The following ROBO2 variants were observed in gnomAD, a reference collection of about 807,000 sequenced individuals.
ROBO2 encodes the protein roundabout homolog 2.
Under a neutral mutation model 160.8 loss-of-function variants are expected in ROBO2, and 53 were observed. The ratio of observed to expected loss-of-function variants is 0.33; its 90% CI spans 0.26 to 0.41. ROBO2 has a LOEUF of 0.41. ROBO2 is among the 10% of genes least tolerant of loss of function. ROBO2 has a pLI of 1.00. For synonymous variants in ROBO2, 664 were observed against 611.7 expected (o/e 1.09, Z -1.26); for missense variants, 1,577 against 1,722.4 (o/e 0.92, Z 1.49).
chr3:76,030,266 G>C (rs2066875635), intron 2 of ROBO2, among the ~76,000 whole-genome samples: 1 of 148,438 alleles, frequency 6.7e-6, no homozygotes, highest in African/African-American at 2.5e-5. Flanking sequence ...CTGGAAATTA[G>C]CCCTTTGTCA....
intron 2 of ROBO2, among the ~76,000 whole-genome samples, chr3:77,299,720 A>G (rs2062478190): frequency 1.3e-5 from 2 of 152,162 alleles, no homozygotes; most frequent in South Asian, 4.1e-4. Context: ...ACACATCAGG[A>G]GACTTCTTAG....
intron 2 of ROBO2, among the ~76,000 whole-genome samples, chr3:76,853,552 A>G (rs1037028185): frequency 6.6e-6 from 1 of 152,128 alleles, no homozygotes; most frequent in Non-Finnish European, 1.5e-5. Context: ...GCAAATTTGT[A>G]GGTGTTTTCA....
At chr3:76,471,901 C>T (rs1340982401) in intron 2 of ROBO2, among the ~76,000 whole-genome samples, 1 of 152,096 alleles carries the variant, frequency 6.6e-6, no homozygotes, top group Non-Finnish European at 1.5e-5. Flanking sequence ...AGAACTCATT[C>T]ACTACCATGA....
At chr3:75,913,974 T>C (rs1034896903) in intron 1 of ROBO2, among the ~76,000 whole-genome samples, 1 of 152,208 alleles carries the variant, frequency 6.6e-6, no homozygotes, top group Non-Finnish European at 1.5e-5. Flanking sequence ...GAAATCTTTC[T>C]GTAACCTAGA....
chr3:76,030,489 T>C (rs2066885978), intron 2 of ROBO2, among the ~76,000 whole-genome samples: 2 of 152,226 alleles, frequency 1.3e-5, no homozygotes, highest in South Asian at 2.1e-4. Flanking sequence ...CTATGGTTTT[T>C]ATGGTTTTAG....
chr3:77,490,520 T>A (rs966378760), intron 4 of ROBO2, among the ~76,000 whole-genome samples: 6 of 152,204 alleles, frequency 3.9e-5, no homozygotes, highest in Admixed American at 3.9e-4. Context: ...ACAGATTTGA[T>A]CATATTTATC....
At chr3:77,525,454 C>A (rs1380272231) in intron 6 of ROBO2, among the ~76,000 whole-genome samples, 1 of 149,346 alleles carries the variant, frequency 6.7e-6, no homozygotes, top group Non-Finnish European at 1.5e-5. Flanking sequence ...TGAGGCTGAA[C>A]ATCAAGAAGC....
At chr3:76,426,828 C>T (rs1459138568) in intron 2 of ROBO2, among the ~76,000 whole-genome samples, 3 of 152,034 alleles carry the variant, frequency 2.0e-5, no homozygotes, top group Non-Finnish European at 4.4e-5. Context: ...TTGCAGAATA[C>T]TGATTTTATA....
At chr3:76,817,473 A>C (rs925725927) in intron 2 of ROBO2, among the ~76,000 whole-genome samples, 1 of 152,086 alleles carries the variant, frequency 6.6e-6, no homozygotes, top group African/African-American at 2.4e-5. Context: ...ATAATGAAAC[A>C]TGGTCCAATA....
chr3:76,459,943 C>A (rs945676706), intron 2 of ROBO2, among the ~76,000 whole-genome samples: 14 of 151,942 alleles, frequency 9.2e-5, no homozygotes, highest in African/African-American at 3.4e-4. Flanking sequence ...ACCAAGAGAG[C>A]GTGTCAAGCC....
chr3:76,000,712 G>A (rs1217757405), intron 2 of ROBO2, among the ~76,000 whole-genome samples: 5 of 151,566 alleles, frequency 3.3e-5, no homozygotes, highest in East Asian at 1.9e-4. Flanking sequence ...GGATGGTGTC[G>A]ATCTCCTGAC....
Position 76,858,075 on chromosome 3 carries a change from A to G in ROBO2, c.110-239939A>G, listed in dbSNP as rs147376549. ...GGCCCCCATTCCCTGGATCCCCATTATACCCTAGTACGCTCCCAGCATAGC... is the reference window on the plus strand; with the variant it reads ...GGCCCCCATTCCCTGGATCCCCATTGTACCCTAGTACGCTCCCAGCATAGC... On this transcript the variant is annotated intron_variant, in intron 2 of 26. Transcript: ENST00000487694. Among the ~76,000 whole-genome samples the G allele has an allele frequency of 6.6e-4, 100 of 151,836 alleles. 1 individual carries two copies. The highest frequency in any genetic ancestry group is 2.2e-3 in the African/African-American group (93 of 41,432).
intron 2 of ROBO2, among the ~76,000 whole-genome samples, chr3:76,014,232 G>A (rs111462327): frequency 1.7e-5 from 2 of 117,980 alleles, no homozygotes; most frequent in Non-Finnish European, 3.4e-5. Flanking sequence ...GCATTTGACG[G>A]CTGGCACGGT....
chr3:76,711,668 T>A (rs2093296408), intron 2 of ROBO2, among the ~76,000 whole-genome samples: 1 of 152,202 alleles, frequency 6.6e-6, no homozygotes, highest in Non-Finnish European at 1.5e-5. Context: ...CCGTCTAGAA[T>A]GGTGCACACT....
At chr3:77,437,198 A>T (rs1477709743) in intron 2 of ROBO2, among the ~76,000 whole-genome samples, 1 of 152,000 alleles carries the variant, frequency 6.6e-6, no homozygotes, top group Non-Finnish European at 1.5e-5. Flanking sequence ...TTCACCATTC[A>T]CTTGGCCTGC....
intron 2 of ROBO2, among the ~76,000 whole-genome samples, chr3:76,498,693 T>G (rs1322268787): frequency 1.3e-5 from 2 of 150,200 alleles, no homozygotes; most frequent in East Asian, 3.9e-4. Flanking sequence ...CTTTTTTTTT[T>G]TTTTTTTGAG....
chr3:77,369,472 A>G (rs2071427481), intron 2 of ROBO2, among the ~76,000 whole-genome samples: 1 of 152,184 alleles, frequency 6.6e-6, no homozygotes, highest in African/African-American at 2.4e-5. Context: ...ATAATCTTGT[A>G]TAATGTTGAG....
intron 2 of ROBO2, among the ~76,000 whole-genome samples, chr3:77,252,831 A>AAAAAAATATATATAT: frequency 1.6e-4 from 2 of 12,522 alleles, no homozygotes; most frequent in African/African-American, 3.2e-4. Context: ...AAAAAAAAAA[A>AAAAAAATATATATAT]ATATATATAT....
intron 1 of ROBO2, among the ~76,000 whole-genome samples, chr3:75,912,635 G>A (rs1252142205): frequency 1.3e-5 from 2 of 152,096 alleles, no homozygotes; most frequent in Non-Finnish European, 2.9e-5. Context: ...GAAAATATTA[G>A]CTCCATCAGA....
Sources: allele counts gnomAD v4.1 joint callset (sites outside exome capture counted in the v4.1 genomes callset), GRCh38; gene constraint gnomAD v4.1.1; transcripts MANE v1.5; gene names NCBI Gene and HGNC (gene_info 2026-07-23, HGNC 2026-07-21).